RELN: variants seen among roughly 807,000 people sequenced by gnomAD.
The protein encoded by RELN is reelin.
A neutral mutation model predicts 427.6 loss-of-function variants in RELN; 108 were observed. The observed-to-expected ratio is 0.25, with a 90% CI of 0.22 to 0.30. The LOEUF is 0.30. Ranked by LOEUF, RELN falls within the 10% of genes least tolerant of loss-of-function variation. The pLI, the probability that RELN is intolerant of heterozygous loss-of-function variation, is 1.00. For synonymous variants in RELN, 1,524 were observed against 1,513.4 expected, an observed-to-expected ratio of 1.01 and a Z score of -0.16; for missense variants, 3,715 against 4,302.8, an observed-to-expected ratio of 0.86 and a Z score of 3.82.
At chr7:103,917,314 G>T (rs3213725) in intron 1 of RELN, 129 bp from the exon 2 acceptor site, 3 of 719,782 alleles carry the variant, frequency 4.2e-6, no homozygotes, top group Middle Eastern at 3.5e-4. Flanking sequence ...TACCTAGTTG[G>T]TATTTTTTGT....
intron 51 of RELN, among the ~76,000 whole-genome samples, chr7:103,510,037 G>A (rs1829353326): frequency 6.6e-6 from 1 of 152,154 alleles, no homozygotes; most frequent in South Asian, 2.1e-4. Flanking sequence ...TTACACTGTT[G>A]GTGGGAGTGT....
intron 38 of RELN, 129 bp downstream of exon 38, chr7:103,556,848 G>C: frequency 1.2e-6 from 1 of 807,492 alleles, no homozygotes. Context: ...CAAAAGTGAA[G>C]CATGTAAAAT....
At chr7:103,501,030 T>G in intron 52 of RELN, 108 bp from the exon 53 acceptor site, 1 of 959,558 alleles carries the variant, frequency 1.0e-6, no homozygotes. Flanking sequence ...TTTAAGATAC[T>G]CTTACTAGAT....
intron 10 of RELN, among the ~76,000 whole-genome samples, chr7:103,688,374 C>T (rs1833805341): frequency 6.6e-6 from 1 of 152,024 alleles, no homozygotes; most frequent in African/African-American, 2.4e-5. Flanking sequence ...CTTATTTGTC[C>T]TGTATATTGT....
intron 47 of RELN, 120 bp downstream of exon 47, chr7:103,523,271 A>G: frequency 8.7e-7 from 1 of 1,153,366 alleles, no homozygotes; most frequent in Non-Finnish European, 1.3e-6. Flanking sequence ...ATCATATTTC[A>G]GAAAAAAATG....
intron 8 of RELN, among the ~76,000 whole-genome samples, chr7:103,706,823 C>G (rs1834212270): frequency 6.6e-6 from 1 of 152,144 alleles, no homozygotes; most frequent in African/African-American, 2.4e-5. Context: ...TCTCAACTCT[C>G]TCTCAGGTTT....
chr7:103,707,097 C>G (rs958136115), intron 8 of RELN, among the ~76,000 whole-genome samples: 1 of 152,100 alleles, frequency 6.6e-6, no homozygotes. Flanking sequence ...CCCCAGCCTT[C>G]CAAGTAGTTG....
intron 1 of RELN, among the ~76,000 whole-genome samples, chr7:103,963,142 T>G (rs895174374): frequency 1.2e-4 from 18 of 150,914 alleles, no homozygotes; most frequent in Non-Finnish European, 2.2e-4. Context: ...TTCTTTTTTT[T>G]TTCTCATTGG....
intron 1 of RELN, among the ~76,000 whole-genome samples, chr7:103,987,475 G>A (rs1352738415): frequency 1.3e-5 from 2 of 152,140 alleles, no homozygotes; most frequent in African/African-American, 4.8e-5. Context: ...CCTTCCAAAG[G>A]ATGTGGAAAA....
intron 55 of RELN, among the ~76,000 whole-genome samples, chr7:103,496,977 G>T (rs1161919977): frequency 6.6e-6 from 1 of 152,158 alleles, no homozygotes; most frequent in Non-Finnish European, 1.5e-5. Flanking sequence ...TATTTCGAAA[G>T]AGTTGGCCAA....
At chr7:103,496,832 C>G in intron 55 of RELN, 64 bp from the exon 56 acceptor site, 1 of 1,564,900 alleles carries the variant, frequency 6.4e-7, no homozygotes, top group Admixed American at 1.7e-5. Context: ...CATAAACCAC[C>G]AGTATACTTC....
At chr7:103,583,248 C>T (rs1831195284) in intron 28 of RELN, among the ~76,000 whole-genome samples, 2 of 152,212 alleles carry the variant, frequency 1.3e-5, no homozygotes, top group South Asian at 2.1e-4. Flanking sequence ...ATGCTACTGA[C>T]ATCTCAGGGT....
At chr7:103,866,277 A>C (rs1794195129) in intron 2 of RELN, among the ~76,000 whole-genome samples, 1 of 152,116 alleles carries the variant, frequency 6.6e-6, no homozygotes, top group South Asian at 2.1e-4. Flanking sequence ...CAGCTTTAAT[A>C]CAACAACAAC....
At position 103,928,225 on chromosome 7, in the gene RELN, A is replaced by G. The variant is rs116427823; in HGVS notation, c.227-11040T>C. On this transcript the variant is annotated intron_variant, in intron 1 of 64. Transcript: ENST00000428762. ...CAACACAGATGGACTCAAATTCTGT[A>G]TGCTGGACTCAAATTCTGTAAGTGC... Among the ~76,000 whole-genome samples the G allele has an allele frequency of 2.4e-3, 361 of 152,356 alleles. 2 individuals carry two copies. The highest frequency in any genetic ancestry group is 8.2e-3 in the African/African-American group (342 of 41,586).
intron 3 of RELN, among the ~76,000 whole-genome samples, chr7:103,810,421 T>G (rs1792711341): frequency 6.6e-6 from 1 of 152,192 alleles, no homozygotes; most frequent in Non-Finnish European, 1.5e-5. Flanking sequence ...GACCTAAAGT[T>G]AGGTCTAATC....
At chr7:103,914,421 A>G (rs1197093086) in intron 2 of RELN, among the ~76,000 whole-genome samples, 5 of 152,040 alleles carry the variant, frequency 3.3e-5, no homozygotes, top group Non-Finnish European at 5.9e-5. Context: ...ATCTCAACCT[A>G]TATATCCCAG....
intron 1 of RELN, among the ~76,000 whole-genome samples, chr7:103,978,511 A>G (rs1201475561): frequency 6.6e-6 from 1 of 152,312 alleles, no homozygotes; most frequent in Non-Finnish European, 1.5e-5. Context: ...CAGAGCTTCT[A>G]TATTGTTCAT....
chr7:103,729,918 T>G (rs190947989), intron 6 of RELN, among the ~76,000 whole-genome samples: 1 of 152,184 alleles, frequency 6.6e-6, no homozygotes, highest in Non-Finnish European at 1.5e-5. Flanking sequence ...TATTAGGGTT[T>G]TTTTTTTCCA....
intron 10 of RELN, 115 bp from the exon 11 acceptor site, chr7:103,682,376 T>G: frequency 9.5e-7 from 1 of 1,057,568 alleles, no homozygotes; most frequent in East Asian, 2.4e-5. Flanking sequence ...TCCTCTATGA[T>G]GGACTCTCAA....
Sources: allele counts gnomAD v4.1 joint callset (sites outside exome capture counted in the v4.1 genomes callset), GRCh38; gene constraint gnomAD v4.1.1; transcripts MANE v1.5; gene names NCBI Gene and HGNC (gene_info 2026-07-23, HGNC 2026-07-21).